The following TEX9 variants were observed in gnomAD, a reference collection of about 807,000 sequenced individuals.
The protein encoded by TEX9 is testis-expressed protein 9.
A neutral mutation model predicts 59.6 loss-of-function variants in TEX9; 74 were observed. That is an observed-to-expected ratio of 1.24 (90% CI 1.03 to 1.51). The LOEUF (loss-of-function observed/expected upper bound fraction) is 1.51, where lower values mean the gene tolerates loss of function less well. Ranked by LOEUF, TEX9 falls within the 40% of genes most tolerant of loss-of-function variation. The probability of loss-of-function intolerance (pLI) is 0.00; values close to 1 mark genes in which losing one functional copy is unlikely to be tolerated. For missense variants in TEX9, 522 were observed against 447.8 expected (o/e 1.17, Z -1.49); for synonymous variants, 186 against 152.2 (o/e 1.22, Z -1.64).
At chr15:56,327,154 C>T (rs1448458649) in intron 1 of TEX9, among the ~76,000 whole-genome samples, 4 of 152,034 alleles carry the variant, frequency 2.6e-5, no homozygotes, top group African/African-American at 4.8e-5. Context: ...CATTCTATAA[C>T]ATTAATTTGT....
At chr15:56,441,441 C>T (rs1087837) in intron 12 of TEX9, among the ~76,000 whole-genome samples, 137,231 of 152,218 alleles carry the variant, frequency 0.9, 61,876 homozygotes, top group Middle Eastern at 0.96. Flanking sequence ...TTCTGACTAC[C>T]TAGTCTATAG....
intron 4 of TEX9, among the ~76,000 whole-genome samples, chr15:56,387,769 GCTTAA>G (rs1305363073): frequency 1.3e-5 from 2 of 151,886 alleles, no homozygotes; most frequent in African/African-American, 4.8e-5. Context: ...TGTTGTACCT[GCTTAA>G]CTTTAAGGTT....
chr15:56,339,405 A>AAAAAAAAAAAAAC (rs1567091424), intron 1 of TEX9, among the ~76,000 whole-genome samples: 3 of 115,694 alleles, frequency 2.6e-5, no homozygotes, highest in African/African-American at 8.2e-5. Flanking sequence ...AAAAAAAAAA[A>AAAAAAAAAAAAAC]AAAAAAAAAC....
chr15:56,446,453 A>C (rs183230366), downstream of TEX9, among the ~76,000 whole-genome samples: 1 of 152,022 alleles, frequency 6.6e-6, no homozygotes, highest in Non-Finnish European at 1.5e-5. Flanking sequence ...ATAAAACTGG[A>C]AAGTTTCCTA....
rs1223055915 is a variant in TEX9 at position 56,315,453 on chromosome 15, G to C, written c.-106-57988G>C. Among the ~76,000 whole-genome samples the C allele has an allele frequency of 1.3e-4, 19 of 149,424 alleles. 1 individual carries two copies. Among genetic ancestry groups the C allele is most frequent in the Admixed American group, 1.2e-3 (18 of 14,704 alleles). On this transcript the variant is annotated intron_variant, in intron 1 of 5. Transcript: ENST00000560827. ...ATGAAATTCTGGGTTGAAAATTCTTGTCTTTAAGAATGTTGAATATTGGCC... is the reference window on the plus strand; with the variant it reads ...ATGAAATTCTGGGTTGAAAATTCTTCTCTTTAAGAATGTTGAATATTGGCC...
chr15:56,317,281 A>G (rs1002514913), intron 1 of TEX9, among the ~76,000 whole-genome samples: 1 of 152,240 alleles, frequency 6.6e-6, no homozygotes, highest in Non-Finnish European at 1.5e-5. Flanking sequence ...TTGTCTTTCT[A>G]GGAATATACT....
chr15:56,439,218 C>T (rs749163271), intron 12 of TEX9, among the ~76,000 whole-genome samples: 2 of 152,030 alleles, frequency 1.3e-5, no homozygotes, highest in Non-Finnish European at 1.5e-5. Flanking sequence ...TAACAAAACA[C>T]GTACAGGATT....
chr15:56,331,788 C>A (rs1326886037), intron 1 of TEX9, among the ~76,000 whole-genome samples: 3 of 151,608 alleles, frequency 2.0e-5, no homozygotes, highest in African/African-American at 7.3e-5. Context: ...AAACAAACAA[C>A]CCCATCAAAA....
Position 56,285,324 on chromosome 15 carries a change from C to T in TEX9, c.-107+41046C>T, listed in dbSNP as rs1040775834. On this transcript the variant is annotated intron_variant, in intron 1 of 5. Coordinates refer to the TEX9 transcript ENST00000560827. ...CAGTCAAAGATGTCTCCTGGTGTTG[C>T]GGGAAACAGAGGTCGTAGATAATTT... Among the ~76,000 whole-genome samples the T allele has an allele frequency of 2.6e-5, 4 of 152,210 alleles. No homozygotes were observed. The East Asian group carries it at 5.8e-4, about 22-fold the overall frequency.
chr15:56,428,467 T>C (rs1428327936), exon 12 of TEX9: 1 of 1,515,926 alleles, frequency 6.6e-7, no homozygotes, highest in South Asian at 1.1e-5. Context: ...AGTTAGTCTC[T>C]ATGACAGTAT....
chr15:56,392,987 A>G (rs2048289592), intron 7 of TEX9, among the ~76,000 whole-genome samples: 1 of 152,144 alleles, frequency 6.6e-6, no homozygotes, highest in Non-Finnish European at 1.5e-5. Context: ...AAAAAGACCA[A>G]GAGGTAATTT....
intron 1 of TEX9, among the ~76,000 whole-genome samples, chr15:56,297,331 A>C (rs569677577): frequency 6.6e-6 from 1 of 152,330 alleles, no homozygotes; most frequent in South Asian, 2.1e-4. Flanking sequence ...ATATATAAAA[A>C]CAAATGCTCT....
At chr15:56,365,366 C>A, upstream of TEX9, 6 of 1,520,760 alleles carry the variant, frequency 3.9e-6, no homozygotes, top group Non-Finnish European at 5.3e-6. Context: ...AAGGCGTAGG[C>A]GCCCGGGCGG....
chr15:56,319,517 T>G (rs1478245635), intron 1 of TEX9, among the ~76,000 whole-genome samples: 1 of 152,072 alleles, frequency 6.6e-6, no homozygotes, highest in Non-Finnish European at 1.5e-5. Flanking sequence ...AATAAAAAGG[T>G]ACCCTTTCAA....
At chr15:56,310,608 T>C (rs8038818) in intron 1 of TEX9, among the ~76,000 whole-genome samples, 66,668 of 151,958 alleles carry the variant, frequency 0.44, 15,137 homozygotes, top group Middle Eastern at 0.62. Context: ...TTATGATCCC[T>C]GCACCAGCTC....
At chr15:56,359,832 C>T (rs183441876) in intron 1 of TEX9, among the ~76,000 whole-genome samples, 3 of 152,180 alleles carry the variant, frequency 2.0e-5, no homozygotes, top group African/African-American at 7.2e-5. Context: ...TGTTCCTGAT[C>T]TTAGGGAGAA....
rs566821246 is a variant in TEX9 at position 56,440,762 on chromosome 15, A to G, written c.*30-4909A>G. ...CATTTATATAACATTCCTGAGGCAC[A>G]TACTTTTAAATTTATAATTAAAGGT... On this transcript the variant is annotated intron_variant, in intron 12 of 12. Coordinates refer to ENST00000352903, the Ensembl canonical transcript of TEX9. 5.9e-5 allele frequency among the ~76,000 whole-genome samples: 9 copies of G among 152,338 alleles called. 1 individual carries two copies. The highest frequency in any genetic ancestry group is 2.2e-4 in the African/African-American group (9 of 41,590).
intron 1 of TEX9, among the ~76,000 whole-genome samples, chr15:56,304,606 A>G (rs934890213): frequency 1.3e-5 from 2 of 152,220 alleles, no homozygotes; most frequent in African/African-American, 2.4e-5. Flanking sequence ...TTATCCCATG[A>G]TGGTCATAGT....
chr15:56,440,472 T>G (rs1481468262), intron 12 of TEX9, among the ~76,000 whole-genome samples: 1 of 152,190 alleles, frequency 6.6e-6, no homozygotes, highest in Non-Finnish European at 1.5e-5. Flanking sequence ...GAGCATTTAT[T>G]GCAGAGAAAT....
Sources: gnomAD v4.1 joint callset for allele counts (sites outside exome capture counted in the v4.1 genomes callset) on GRCh38, gnomAD v4.1.1 for gene constraint, MANE v1.5 for transcripts, NCBI Gene and HGNC (gene_info 2026-07-23, HGNC 2026-07-21) for gene names.